The following LRRTM4 variants were observed in gnomAD, a reference collection of about 807,000 sequenced individuals.
LRRTM4 encodes leucine-rich repeat transmembrane neuronal protein 4.
In LRRTM4, 25 loss-of-function variants were observed where a neutral mutation model predicts 47.6. The observed-to-expected ratio is 0.53, with a 90% CI of 0.38 to 0.73. LRRTM4 has a LOEUF of 0.73. Among genes scored for constraint, LRRTM4 ranks in the 30% least tolerant of loss-of-function variants. The pLI is 0.00. For missense variants in LRRTM4, 638 were observed against 713.4 expected, an observed-to-expected ratio of 0.89 and a Z score of 1.20; for synonymous variants, 311 against 269.5, an observed-to-expected ratio of 1.15 and a Z score of -1.51.
intron 3 of LRRTM4, among the ~76,000 whole-genome samples, chr2:77,028,310 A>G (rs1205607497): frequency 6.6e-6 from 1 of 152,234 alleles, no homozygotes; most frequent in East Asian, 1.9e-4. Flanking sequence ...AGAAGCCAAA[A>G]GCATGAATGG....
At chr2:77,113,742 G>C (rs922823237) in intron 3 of LRRTM4, among the ~76,000 whole-genome samples, 1 of 152,052 alleles carries the variant, frequency 6.6e-6, no homozygotes, top group Non-Finnish European at 1.5e-5. Context: ...CAAAGTGACC[G>C]GTTGAGGAAC....
chr2:76,962,379 C>T (rs1373656478), intron 3 of LRRTM4, among the ~76,000 whole-genome samples: 1 of 151,008 alleles, frequency 6.6e-6, no homozygotes, highest in South Asian at 2.1e-4. Flanking sequence ...CATTACCTTC[C>T]ACCTCCCTTT....
chr2:77,040,491 C>T (rs1037650598), intron 3 of LRRTM4, among the ~76,000 whole-genome samples: 5 of 151,418 alleles, frequency 3.3e-5, no homozygotes, highest in Non-Finnish European at 7.4e-5. Context: ...GAGAGAGAAA[C>T]AAGGTCATCA....
intron 3 of LRRTM4, among the ~76,000 whole-genome samples, chr2:77,415,626 C>G (rs981837126): frequency 4.6e-5 from 7 of 152,086 alleles, no homozygotes; most frequent in African/African-American, 1.7e-4. Flanking sequence ...TGTTTAATTT[C>G]CTTTCAATAT....
intron 3 of LRRTM4, among the ~76,000 whole-genome samples, chr2:77,062,971 T>C (rs970501106): frequency 3.4e-5 from 5 of 145,744 alleles, no homozygotes; most frequent in African/African-American, 1.2e-4. Flanking sequence ...TTTTTTTTTT[T>C]TGAGACAGAG....
intron 3 of LRRTM4, among the ~76,000 whole-genome samples, chr2:77,003,067 GTTTA>G (rs1274655981): frequency 6.6e-6 from 1 of 151,766 alleles, no homozygotes; most frequent in East Asian, 1.9e-4. Flanking sequence ...TATAATTTCT[GTTTA>G]TTTTTAATTT....
intron 3 of LRRTM4, among the ~76,000 whole-genome samples, chr2:76,812,929 A>G (rs1211912397): frequency 2.0e-5 from 3 of 151,744 alleles, no homozygotes; most frequent in African/African-American, 7.3e-5. Flanking sequence ...TCCAAGTCAG[A>G]TTGTGAGAAC....
At chr2:77,307,613 C>A (rs1677321041) in intron 3 of LRRTM4, among the ~76,000 whole-genome samples, 11 of 79,702 alleles carry the variant, frequency 1.4e-4, no homozygotes, top group South Asian at 4.3e-4. Context: ...ATAGATATAT[C>A]TATATATTAT....
intron 3 of LRRTM4, among the ~76,000 whole-genome samples, chr2:77,241,902 C>T (rs900445427): frequency 1.5e-4 from 23 of 151,990 alleles, no homozygotes; most frequent in African/African-American, 5.6e-4. Flanking sequence ...CCATTCTTTC[C>T]CCATTGAATG....
At chr2:77,033,982 C>A (rs1056289270) in intron 3 of LRRTM4, among the ~76,000 whole-genome samples, 8 of 151,520 alleles carry the variant, frequency 5.3e-5, no homozygotes, top group African/African-American at 1.9e-4. Context: ...ATCAAGATTT[C>A]AAGATTTTTT....
chr2:77,144,470 C>A (rs1430879932), intron 3 of LRRTM4, among the ~76,000 whole-genome samples: 1 of 151,778 alleles, frequency 6.6e-6, no homozygotes, highest in Non-Finnish European at 1.5e-5. Context: ...GCTGAGAATA[C>A]ACATTCATGA....
At chr2:76,964,069 T>C (rs1056142926) in intron 3 of LRRTM4, among the ~76,000 whole-genome samples, 1 of 150,868 alleles carries the variant, frequency 6.6e-6, no homozygotes, top group Non-Finnish European at 1.5e-5. Flanking sequence ...AGACATCAAA[T>C]AAATCTTCAT....
chr2:76,756,115 T>A (rs1423678957), intron 3 of LRRTM4, among the ~76,000 whole-genome samples: 1 of 152,208 alleles, frequency 6.6e-6, no homozygotes, highest in Admixed American at 6.5e-5. Context: ...TGACCCAGTA[T>A]GCTGTGGTTT....
chr2:77,519,234 A>T lies in LRRTM4; in HGVS notation c.635T>A (p.Leu212Gln). 6.2e-7 allele frequency: 1 copy of T among 1,613,442 alleles called. No homozygotes were observed. Among genetic ancestry groups the T allele is most frequent in the Non-Finnish European group, 8.5e-7 (1 of 1,179,614 alleles). ...GATCTTGGAAAACTGGTTGTGCTCC[A>T]GGTGGAGCTCCTTTAACTTCAAGAG... ...AGLLKLKELH[L>Q]EHNQFSKINF... is the part of the protein sequence containing the mutation. The change falls in exon 3 of 4, where the codon CTG (leucine) becomes CAG (glutamine). Residue 212 changes from leucine to glutamine, a missense_variant. By Grantham distance (113) the Leu-to-Gln change is moderately radical. Transcript: ENST00000409884. The surrounding 1 kb of genome is among the most constrained non-coding windows in gnomAD (Gnocchi z 4.6).
In LRRTM4 at chr2:77,155,742, G is replaced by C. The variant is rs571759697; in HGVS notation, c.1551+362576C>G. 6.2e-4 allele frequency among the ~76,000 whole-genome samples: 95 copies of C among 152,144 alleles called. 1 individual carries two copies. The highest frequency in any genetic ancestry group is 5.9e-4 in the Admixed American group (9 of 15,262). On this transcript the variant is annotated intron_variant, in intron 3 of 3. Transcript: ENST00000409884. Reference sequence around the variant, plus strand: ...CAGTGACTCTGGAAGGTTACGGGAGGGGGAGGATGGGAAGAGGTTGGTTAA... The same window carrying C: ...CAGTGACTCTGGAAGGTTACGGGAGCGGGAGGATGGGAAGAGGTTGGTTAA...
intron 3 of LRRTM4, among the ~76,000 whole-genome samples, chr2:77,475,511 A>C (rs2104001318): frequency 6.6e-6 from 1 of 152,196 alleles, no homozygotes; most frequent in African/African-American, 2.4e-5. Flanking sequence ...GTGATCTCAA[A>C]TAAAATTTGT....
Position 77,186,000 on chromosome 2 carries a change from G to A in LRRTM4, c.1551+332318C>T, listed in dbSNP as rs1418977292. On this transcript the variant is annotated intron_variant, in intron 3 of 3. Transcript: ENST00000409884. ...CATGTAGTAATTAATAGATGAGTTT[G>A]TAAATGAAGACCTGACACAGAAAAT... Among the ~76,000 whole-genome samples the A allele has an allele frequency of 2.6e-5, 4 of 152,156 alleles. No homozygotes were observed. In the East Asian group the frequency reaches 7.7e-4, roughly 29 times the overall value.
intron 3 of LRRTM4, among the ~76,000 whole-genome samples, chr2:76,850,054 G>A (rs1445477626): frequency 6.6e-6 from 1 of 152,026 alleles, no homozygotes; most frequent in Non-Finnish European, 1.5e-5. Flanking sequence ...ATAATTATTT[G>A]ACTTTGAATT....
chr2:77,343,488 T>C (rs571624067), intron 3 of LRRTM4, among the ~76,000 whole-genome samples: 2 of 152,056 alleles, frequency 1.3e-5, no homozygotes, highest in East Asian at 1.9e-4. Flanking sequence ...GTATTCTGCA[T>C]TGTACTTTTA....
Sources: allele counts gnomAD v4.1 joint callset (sites outside exome capture counted in the v4.1 genomes callset), GRCh38; gene constraint gnomAD v4.1.1; non-coding constraint Gnocchi (gnomAD v3.1); transcripts MANE v1.5; gene names NCBI Gene and HGNC (gene_info 2026-07-23, HGNC 2026-07-21).